Variants in CHL1 observed in about 807,000 individuals in gnomAD.
The protein encoded by CHL1 is neural cell adhesion molecule L1-like protein.
In CHL1, 96 loss-of-function variants were observed where a neutral mutation model predicts 141.9. The observed-to-expected ratio is 0.68, with a 90% CI of 0.57 to 0.80. The LOEUF (loss-of-function observed/expected upper bound fraction) is 0.80. Among genes scored for constraint, CHL1 ranks in the 30% least tolerant of loss-of-function variants. CHL1 has a pLI of 0.00. For synonymous variants in CHL1, 613 were observed against 502.2 expected (o/e 1.22, Z -2.95); for missense variants, 1,820 against 1,457.2 (o/e 1.25, Z -4.05).
intron 5 of CHL1, among the ~76,000 whole-genome samples, chr3:332,458 C>T (rs1046310054): frequency 3.9e-5 from 6 of 152,014 alleles, no homozygotes; most frequent in Non-Finnish European, 8.8e-5. Flanking sequence ...AAGGTGATGA[C>T]GATATTCCTA....
chr3:268,113 T>C (rs1321371954), intron 2 of CHL1, among the ~76,000 whole-genome samples: 1 of 152,218 alleles, frequency 6.6e-6, no homozygotes. Context: ...ATAGATACAA[T>C]CCTTTACATA....
intron 5 of CHL1, among the ~76,000 whole-genome samples, chr3:333,471 C>G (rs1343069676): frequency 6.6e-6 from 1 of 152,082 alleles, no homozygotes; most frequent in African/African-American, 2.4e-5. Flanking sequence ...CTATTTTCAA[C>G]AACATTGCAG....
intron 2 of CHL1, among the ~76,000 whole-genome samples, chr3:304,246 C>T (rs753940849): frequency 6.6e-6 from 1 of 152,126 alleles, no homozygotes; most frequent in Non-Finnish European, 1.5e-5. Flanking sequence ...CAGGATGATG[C>T]TGGCCTCATA....
Position 393,029 on chromosome 3 carries a change from C to T in CHL1, c.2914+1232C>T, listed in dbSNP as rs55804492. On this transcript the variant is annotated intron_variant, in intron 23 of 27. Transcript: ENST00000256509. ...CTGGTGGATCACGAGGTCAGGAGAT[C>T]GAGACCATCCTGGCTAACACGGTGA... Among the ~76,000 whole-genome samples, 1,471 of 151,988 alleles carry T rather than the reference C, an allele frequency of 9.7e-3. 18 individuals carry two copies. Among genetic ancestry groups the T allele is most frequent in the Middle Eastern group, 0.024 (7 of 294 alleles).
At chr3:343,473 C>T (rs949005040) in intron 8 of CHL1, among the ~76,000 whole-genome samples, 10 of 152,066 alleles carry the variant, frequency 6.6e-5, no homozygotes, top group African/African-American at 2.2e-4. Flanking sequence ...TACATTGTGG[C>T]TTTCTGAGAA....
At chr3:335,567 G>A (rs1306100511) in intron 5 of CHL1, among the ~76,000 whole-genome samples, 1 of 152,182 alleles carries the variant, frequency 6.6e-6, no homozygotes, top group Non-Finnish European at 1.5e-5. Context: ...GCATATTTAA[G>A]TGAAATGTAC....
At chr3:351,094 T>C (rs1240084789) in intron 10 of CHL1, among the ~76,000 whole-genome samples, 1 of 152,186 alleles carries the variant, frequency 6.6e-6, no homozygotes, top group Non-Finnish European at 1.5e-5. Flanking sequence ...GGCTGGAACA[T>C]AGCTACGGTA....
intron 2 of CHL1, among the ~76,000 whole-genome samples, chr3:253,848 TG>T (rs5845960): frequency 0.17 from 25,150 of 152,176 alleles, 2,329 homozygotes; most frequent in East Asian, 0.39. Context: ...AAAGTGCTCC[TG>T]AATTAAAATT....
At chr3:370,430 G>C (rs996321637) in intron 15 of CHL1, among the ~76,000 whole-genome samples, 1 of 151,624 alleles carries the variant, frequency 6.6e-6, no homozygotes, top group Non-Finnish European at 1.5e-5. Flanking sequence ...TTTCTGTGGG[G>C]TCAGTGGTGA....
chr3:329,112 A>G (rs1208121412), intron 5 of CHL1, among the ~76,000 whole-genome samples: 1 of 152,106 alleles, frequency 6.6e-6, no homozygotes, highest in East Asian at 1.9e-4. Context: ...TATTTGCCCT[A>G]TGTGCATGGG....
At chr3:312,721 A>G (rs1559237741) in intron 2 of CHL1, among the ~76,000 whole-genome samples, 1 of 152,238 alleles carries the variant, frequency 6.6e-6, no homozygotes, top group African/African-American at 2.4e-5. Flanking sequence ...TGAAAATGTC[A>G]AATGGCTTTA....
At chr3:399,532 C>T (rs143979773) in intron 26 of CHL1, among the ~76,000 whole-genome samples, 1,816 of 152,058 alleles carry the variant, frequency 0.012, 46 homozygotes, top group African/African-American at 0.041. Flanking sequence ...CCCAGCTACT[C>T]GGAAGGCTGA....
intron 24 of CHL1, among the ~76,000 whole-genome samples, chr3:397,195 A>G (rs1708749153): frequency 6.6e-6 from 1 of 152,144 alleles, no homozygotes; most frequent in Non-Finnish European, 1.5e-5. Flanking sequence ...ACTTAATGTT[A>G]TACTAATATC....
intron 4 of CHL1, 145 bp downstream of exon 4, chr3:326,209 C>G: frequency 2.2e-6 from 1 of 456,994 alleles, no homozygotes; most frequent in East Asian, 3.8e-5. Flanking sequence ...TCCATGCAAA[C>G]AAAAAAAAAA....
intron 2 of CHL1, among the ~76,000 whole-genome samples, chr3:285,441 A>C (rs1367521882): frequency 6.6e-6 from 1 of 152,224 alleles, no homozygotes; most frequent in Admixed American, 6.5e-5. Flanking sequence ...CAGTACAGTC[A>C]GTGGGAATGT....
At chr3:290,026 T>C (rs1697540796) in intron 2 of CHL1, among the ~76,000 whole-genome samples, 1 of 148,424 alleles carries the variant, frequency 6.7e-6, no homozygotes, top group South Asian at 2.2e-4. Context: ...AATAGCACCG[T>C]AACTCACCCC....
rs763430889 is a variant in CHL1 at position 360,361 on chromosome 3, T to C, written c.1243T>C (p.Tyr415His). The change falls in exon 12 of 28, where the codon TAC becomes CAC. Residue 415 changes from tyrosine (Y) to histidine (H), a missense_variant. By Grantham distance (83) the Tyr-to-His change is moderately conservative (BLOSUM62 2). Coordinates refer to ENST00000256509, the MANE Select transcript of CHL1 (RefSeq NM_006614.4). ...TNLQPNHTAVYQCEASNVHGT... is the reference protein window; with the variant it reads ...TNLQPNHTAVHQCEASNVHGT... Reference sequence around the variant, plus strand: ...CCTTCAACCAAATCATACTGCTGTGTACCAGTGTGAAGCCTCAAATGTCCA... The same window carrying C: ...CCTTCAACCAAATCATACTGCTGTGCACCAGTGTGAAGCCTCAAATGTCCA... 2.5e-6 allele frequency: 4 copies of C among 1,613,658 alleles called. No individual in the cohort carries two copies. The highest frequency in any genetic ancestry group is 3.3e-5 in the Admixed American group (2 of 60,010).
chr3:197,807 G>C (rs1055417348), intron 1 of CHL1: 4 of 456,444 alleles, frequency 8.8e-6, no homozygotes, highest in Non-Finnish European at 1.8e-5. Flanking sequence ...AGCGGAGCCC[G>C]GGGGGCTGGA....
chr3:298,349 G>C (rs1249317293), intron 2 of CHL1, among the ~76,000 whole-genome samples: 1 of 152,190 alleles, frequency 6.6e-6, no homozygotes, highest in African/African-American at 2.4e-5. Context: ...GAGCCAGGGA[G>C]AGAGGTCTTT....
Sources: allele counts gnomAD v4.1 joint callset (sites outside exome capture counted in the v4.1 genomes callset), GRCh38; gene constraint gnomAD v4.1.1; transcripts MANE v1.5; gene names NCBI Gene and HGNC (gene_info 2026-07-23, HGNC 2026-07-21).